VPS26B: variants seen among roughly 807,000 people sequenced by gnomAD.
VPS26B encodes the protein vacuolar protein sorting-associated protein 26B.
Under a neutral mutation model 33.3 loss-of-function variants are expected in VPS26B, and 10 were observed. That is an observed-to-expected ratio of 0.30 (90% CI 0.19 to 0.51). The LOEUF (loss-of-function observed/expected upper bound fraction) is 0.51, where lower values mean the gene tolerates loss of function less well. VPS26B is among the 20% of genes least tolerant of loss of function. The probability of loss-of-function intolerance (pLI) is 0.98; values close to 1 mark genes in which losing one functional copy is unlikely to be tolerated. For synonymous variants in VPS26B, 190 were observed against 176.9 expected, an observed-to-expected ratio of 1.07 and a Z score of -0.59; for missense variants, 317 against 452.7, an observed-to-expected ratio of 0.70 and a Z score of 2.72.
At chr11:134,239,746 T>A in intron 2 of VPS26B, 13 of 507,868 alleles carry the variant, frequency 2.6e-5, no homozygotes, top group Middle Eastern at 5.4e-4. Flanking sequence ...GGGCATGGGC[T>A]CCCTAGAGGG....
In VPS26B at chr11:134,225,018, G is replaced by T; in HGVS notation, c.-105G>T. 1 of 1,121,678 alleles carries T rather than the reference G, an allele frequency of 8.9e-7. No homozygotes were observed. The highest frequency in any genetic ancestry group is 2.4e-5 in the South Asian group (1 of 41,772). 69.5% of individuals were successfully genotyped at this position (1,121,678 alleles called of 1,614,324 possible). A position where few individuals can be genotyped will look rare whatever the true frequency, so the allele number is the denominator to read the frequency against. On this transcript the variant is annotated 5_prime_UTR_variant, in exon 1 of 6. Coordinates refer to ENST00000281187, the MANE Select transcript of VPS26B (RefSeq NM_052875.5). The stretch of plus-strand genomic sequence containing the variant: ...GGAGCCAGGCAGCCCCGCGGCGGCC[G>T]AGCGCGCTCGCGCATCGGGCCCTCT...
chr11:134,242,497 C>T (rs1020923922), intron 3 of VPS26B, among the ~76,000 whole-genome samples: 1 of 152,246 alleles, frequency 6.6e-6, no homozygotes, highest in Non-Finnish European at 1.5e-5. Flanking sequence ...ACGGGCTGTG[C>T]ACATGTAGAC....
At chr11:134,234,434 C>G (rs1938601792) in intron 1 of VPS26B, among the ~76,000 whole-genome samples, 1 of 152,204 alleles carries the variant, frequency 6.6e-6, no homozygotes, top group African/African-American at 2.4e-5. Context: ...CCAGGCCAGT[C>G]AGTTAAGCAT....
intron 2 of VPS26B, chr11:134,236,199 A>G (rs2136049641): frequency 6.6e-6 from 1 of 152,316 alleles, no homozygotes; most frequent in Admixed American, 6.5e-5. Flanking sequence ...AAATCTTTGC[A>G]GAGAGGTCTA....
intron 2 of VPS26B, 41 bp from the exon 3 acceptor site, chr11:134,239,950 A>T: frequency 6.2e-7 from 1 of 1,613,190 alleles, no homozygotes. Flanking sequence ...TAGCATCTGG[A>T]GACTGGGAGT....
chr11:134,245,370 G>A lies in VPS26B; in HGVS notation c.865-74G>A. ...CTTGCCCGAGATTCCCCACGTCAAA[G>A]TTGGGAGCCTCTAGGAAACCTGTCC... On this transcript the variant is annotated intron_variant, in intron 5 of 5. Transcript: ENST00000281187. This position sits in a 1 kb window ranked among gnomAD's most constrained non-coding sequence, Gnocchi z 4.7. 16 of 1,591,706 alleles carry A rather than the reference G, an allele frequency of 1.0e-5. No homozygotes were observed. The highest frequency in any genetic ancestry group is 1.4e-5 in the Non-Finnish European group (16 of 1,164,034).
rs767817735 is a variant in VPS26B, at chr11:134,234,953, G to A, written c.280G>A (p.Ala94Thr). 1 of 1,614,158 alleles carries A rather than the reference G, an allele frequency of 6.2e-7. No individual in the cohort carries two copies. Among genetic ancestry groups the A allele is most frequent in the Non-Finnish European group, 8.5e-7 (1 of 1,180,016 alleles). The change falls in exon 2 of 6, where the codon GCC (alanine) becomes ACC (threonine). Residue 94 changes from alanine (A) to threonine (T), a missense_variant. By Grantham distance (58) the Ala-to-Thr change is moderately conservative. Coordinates refer to ENST00000281187, the MANE Select transcript of VPS26B (RefSeq NM_052875.5). ...GTTTGTGTCCCTGGTGAAGGACCTG[G>A]CCCGGCCTGGAGAGATCACCCAGTC... The part of the protein sequence containing the change: ...HEFVSLVKDL[A>T]RPGEITQSQA...
chr11:134,240,489 A>C lies in VPS26B; in HGVS notation c.545+334A>C, dbSNP rs1321390291. ...GCTTCAGCTGTTTCCCGCTACTGCTAAGAACAATCTCAGAATACCATTCCA... is the reference window on the plus strand; with the variant it reads ...GCTTCAGCTGTTTCCCGCTACTGCTCAGAACAATCTCAGAATACCATTCCA... On this transcript the variant is annotated intron_variant, in intron 3 of 5. Coordinates refer to ENST00000281187, the MANE Select transcript of VPS26B (RefSeq NM_052875.5). This position sits in a 1 kb window ranked among gnomAD's most constrained non-coding sequence, Gnocchi z 4.4. 6.6e-6 allele frequency among the ~76,000 whole-genome samples: 1 copy of C among 152,250 alleles called. No individual in the cohort carries two copies. Among genetic ancestry groups the C allele is most frequent in the Non-Finnish European group, 1.5e-5 (1 of 68,034 alleles).
At chr11:134,228,632 C>T (rs1352302332) in intron 1 of VPS26B, among the ~76,000 whole-genome samples, 1 of 152,246 alleles carries the variant, frequency 6.6e-6, no homozygotes, top group Non-Finnish European at 1.5e-5. Flanking sequence ...TATTTGGAGG[C>T]ACAGAGTGAC....
chr11:134,240,280 G>T lies in VPS26B; in HGVS notation c.545+125G>T. On this transcript the variant is annotated intron_variant, in intron 3 of 5. Coordinates refer to ENST00000281187, the MANE Select transcript of VPS26B (RefSeq NM_052875.5). The surrounding 1 kb of genome is among the most constrained non-coding windows in gnomAD (Gnocchi z 4.4). Reference sequence around the variant, plus strand: ...TTTGTGGTGGCATGCGGTGGGGGAAGACCGTGGGAGCAATCCAGTGAGTGT... The same window carrying T: ...TTTGTGGTGGCATGCGGTGGGGGAATACCGTGGGAGCAATCCAGTGAGTGT... 4.6e-6 allele frequency: 5 copies of T among 1,088,464 alleles called. No homozygotes were observed. Among genetic ancestry groups the T allele is most frequent in the Non-Finnish European group, 6.8e-6 (5 of 739,990 alleles). The allele number at this position is 1,088,464 out of a possible 1,614,324, so 67.4% of individuals were successfully genotyped here. A position where few individuals can be genotyped will look rare whatever the true frequency, so the allele number is the denominator to read the frequency against.
At position 134,240,295 on chromosome 11, in the gene VPS26B, C is replaced by G; in HGVS notation, c.545+140C>G. On this transcript the variant is annotated intron_variant, in intron 3 of 5. Transcript: ENST00000281187. The surrounding 1 kb of genome is among the most constrained non-coding windows in gnomAD (Gnocchi z 4.4). Reference sequence around the variant, plus strand: ...GGTGGGGGAAGACCGTGGGAGCAATCCAGTGAGTGTCTATGGCAGGCCAGC... The same window carrying G: ...GGTGGGGGAAGACCGTGGGAGCAATGCAGTGAGTGTCTATGGCAGGCCAGC... 1 of 931,390 alleles carries G rather than the reference C, an allele frequency of 1.1e-6. No homozygotes were observed. The highest frequency in any genetic ancestry group is 1.7e-6 in the Non-Finnish European group (1 of 603,654). The allele number at this position is 931,390 out of a possible 1,614,324, so 57.7% of individuals were successfully genotyped here.
Position 134,245,199 on chromosome 11 carries a change from T to C in VPS26B, c.864+119T>C. 1 of 1,420,816 alleles carries C rather than the reference T, an allele frequency of 7.0e-7. No homozygotes were observed. Among genetic ancestry groups the C allele is most frequent in the Non-Finnish European group, 9.4e-7 (1 of 1,065,640 alleles). The allele number at this position is 1,420,816 out of a possible 1,614,324, so 88.0% of individuals were successfully genotyped here. ...GTGGGAACATTAGGTCGCCCACAATTGCACAACAAGAATGAGGATTCTCAC... is the reference window on the plus strand; with the variant it reads ...GTGGGAACATTAGGTCGCCCACAATCGCACAACAAGAATGAGGATTCTCAC... On this transcript the variant is annotated intron_variant, in intron 5 of 5. Transcript: ENST00000281187. This position sits in a 1 kb window ranked among gnomAD's most constrained non-coding sequence, Gnocchi z 4.7.
chr11:134,244,927 T>TC lies in VPS26B; in HGVS notation c.722-6dup, dbSNP rs1488850108. On this transcript the variant is annotated splice_polypyrimidine_tract_variant and intron_variant, in intron 4 of 5. Transcript: ENST00000281187. This position sits in a 1 kb window ranked among gnomAD's most constrained non-coding sequence, Gnocchi z 4.0. ...TTGCCCCCTGTGCTGACTCCTGCCC[T>TC]CCCCCTACAGGAGAGTCCATCCCGA... The TC allele has an allele frequency of 3.1e-6, 5 of 1,610,386 alleles. No homozygotes were observed.
At chr11:134,237,861 G>A (rs1237520775) in intron 2 of VPS26B, among the ~76,000 whole-genome samples, 1 of 152,184 alleles carries the variant, frequency 6.6e-6, no homozygotes, top group Non-Finnish European at 1.5e-5. Flanking sequence ...TCAGCTGTTG[G>A]TGCAGAACCC....
Position 134,244,789 on chromosome 11 carries a change from C to G in VPS26B, c.722-149C>G. 9.0e-7 allele frequency: 1 copy of G among 1,112,038 alleles called. No homozygotes were observed. Among genetic ancestry groups the G allele is most frequent in the East Asian group, 2.7e-5 (1 of 37,534 alleles). The allele number at this position is 1,112,038 out of a possible 1,614,324, so 68.9% of individuals were successfully genotyped here. A position where few individuals can be genotyped will look rare whatever the true frequency, so the allele number is the denominator to read the frequency against. ...GTCACATTTTTGTTTCAGCCACCTG[C>G]TGGGCAGCAGAGCGACTGCACCTTC... is the stretch of plus-strand genomic sequence containing the variant. On this transcript the variant is annotated intron_variant, in intron 4 of 5. Coordinates refer to ENST00000281187, the MANE Select transcript of VPS26B (RefSeq NM_052875.5). The surrounding 1 kb of genome is among the most constrained non-coding windows in gnomAD (Gnocchi z 4.0).
At position 134,226,293 on chromosome 11, in the gene VPS26B, C is replaced by G. The variant is rs576372034; in HGVS notation, c.223+948C>G. Among the ~76,000 whole-genome samples the G allele has an allele frequency of 4.5e-4, 68 of 152,238 alleles. No homozygotes were observed. In the South Asian group the frequency reaches 0.014, roughly 31 times the overall value. ...TGGTGGTGCTTGCCGGTAGTCCTAG[C>G]TCCTCGGGGGGCTAAGATGGGAGGA... is the stretch of plus-strand genomic sequence containing the variant. On this transcript the variant is annotated intron_variant, in intron 1 of 5. Transcript: ENST00000281187.
At position 134,225,565 on chromosome 11, in the gene VPS26B, C is replaced by T. The variant is rs114354757; in HGVS notation, c.223+220C>T. The stretch of plus-strand genomic sequence containing the variant: ...CGCGCTGCCAGGGAGATGGGGACGG[C>T]GAGGGCGGGAGGAAGCGCCCTGCTG... On this transcript the variant is annotated intron_variant, in intron 1 of 5. Coordinates refer to ENST00000281187, the MANE Select transcript of VPS26B (RefSeq NM_052875.5). 9.8e-4 allele frequency: 562 copies of T among 570,868 alleles called. 4 individuals carry two copies. The highest frequency in any genetic ancestry group is 9.7e-3 in the African/African-American group (520 of 53,442). 35.4% of individuals were successfully genotyped at this position (570,868 alleles called of 1,614,324 possible).
chr11:134,241,982 C>T (rs979773752), intron 3 of VPS26B, among the ~76,000 whole-genome samples: 7 of 152,206 alleles, frequency 4.6e-5, no homozygotes, highest in Non-Finnish European at 7.3e-5. Context: ...TCTGGCCTTC[C>T]GCTTTTCTTC....
chr11:134,235,852 G>T (rs910023265), intron 2 of VPS26B: 1 of 152,200 alleles, frequency 6.6e-6, no homozygotes, highest in Non-Finnish European at 1.5e-5. Flanking sequence ...TAAACTTGAG[G>T]TTATGTGATG....
Sources: allele counts gnomAD v4.1 joint callset (sites outside exome capture counted in the v4.1 genomes callset), GRCh38; gene constraint gnomAD v4.1.1; non-coding constraint Gnocchi (gnomAD v3.1); transcripts MANE v1.5; gene names NCBI Gene and HGNC (gene_info 2026-07-23, HGNC 2026-07-21).